The following KAT6A variants were observed in gnomAD, a reference collection of about 807,000 sequenced individuals.
The protein encoded by KAT6A is lysine acetyltransferase 6A.
Under a neutral mutation model 198.4 loss-of-function variants are expected in KAT6A, and 9 were observed. The ratio of observed to expected loss-of-function variants is 0.05; its 90% CI spans 0.03 to 0.08. The LOEUF (loss-of-function observed/expected upper bound fraction) is 0.08. KAT6A is among the 10% of genes least tolerant of loss of function. The pLI, the probability that KAT6A is intolerant of heterozygous loss-of-function variation, is 1.00. For synonymous variants in KAT6A, 890 were observed against 883.0 expected (o/e 1.01, Z -0.14); for missense variants, 2,077 against 2,509.9 (o/e 0.83, Z 3.69).
In KAT6A at chr8:41,932,921, G is replaced by A; in HGVS notation, c.5299C>T (p.His1767Tyr). 1.2e-6 allele frequency: 2 copies of A among 1,614,174 alleles called. No homozygotes were observed. Among genetic ancestry groups the A allele is most frequent in the East Asian group, 2.2e-5 (1 of 44,878 alleles). Reference sequence around the variant, plus strand: ...GGAGAATGGCTATAAGGCATGGCATGAGGGTCCATAATGGTGTTGGTCAGC... The same window carrying A: ...GGAGAATGGCTATAAGGCATGGCATAAGGGTCCATAATGGTGTTGGTCAGC... Reference protein sequence around the residue: ...QQLTNTIMDPHAMPYSHSPAV... With the variant: ...QQLTNTIMDPYAMPYSHSPAV... The change falls in exon 17 of 17, where the codon CAT (histidine) becomes TAT (tyrosine). Residue 1767 changes from histidine to tyrosine, a missense_variant. This residue lies in a region of KAT6A where 500 missense variants were observed against 577.2 expected (regional missense o/e 0.87). Transcript: ENST00000265713.
At chr8:42,050,274 CAAAGTCAGTATCCCTATA>C (rs983210280) in intron 1 of KAT6A, among the ~76,000 whole-genome samples, 1 of 152,186 alleles carries the variant, frequency 6.6e-6, no homozygotes, top group Non-Finnish European at 1.5e-5. Flanking sequence ...CTCTCTGAAT[CAAAGTCAGTATCCCTATA>C]AAAGAATCTG....
intron 2 of KAT6A, among the ~76,000 whole-genome samples, chr8:41,990,298 T>C (rs1251820246): frequency 6.6e-6 from 1 of 151,948 alleles, no homozygotes; most frequent in African/African-American, 2.4e-5. Flanking sequence ...AGCAAAGAAA[T>C]GGAGAAAAGA....
At chr8:41,984,974 C>G (rs183233903) in intron 3 of KAT6A, among the ~76,000 whole-genome samples, 121 of 144,522 alleles carry the variant, frequency 8.4e-4, no homozygotes, top group South Asian at 4.4e-3. Context: ...CAGAGTGAGA[C>G]TGTCTCAAAA....
In KAT6A at chr8:41,987,326, A is replaced by G; in HGVS notation, c.709+129T>C. 3 of 635,040 alleles carry G rather than the reference A, an allele frequency of 4.7e-6. No homozygotes were observed. In the South Asian group the frequency reaches 5.6e-5, roughly 12 times the overall value. The allele number at this position is 635,040 out of a possible 1,614,324, so 39.3% of individuals were successfully genotyped here. On this transcript the variant is annotated intron_variant, in intron 3 of 16. Transcript: ENST00000265713. ...TCTAAAGACATGTTTCTCAGAACTT[A>G]TCCCCCATAATTAAAAGATGTATGA...
intron 2 of KAT6A, among the ~76,000 whole-genome samples, chr8:42,024,082 G>C (rs915349912): frequency 3.3e-5 from 5 of 152,050 alleles, no homozygotes; most frequent in African/African-American, 1.2e-4. Flanking sequence ...TAATAAGAAG[G>C]AGTACACTCT....
intron 12 of KAT6A, among the ~76,000 whole-genome samples, chr8:41,945,766 C>T (rs897387301): frequency 2.6e-5 from 4 of 152,042 alleles, no homozygotes; most frequent in South Asian, 2.1e-4. Context: ...TGGTGGCTCA[C>T]GCCTGTAATC....
intron 2 of KAT6A, among the ~76,000 whole-genome samples, chr8:42,037,712 C>A (rs1411266209): frequency 2.9e-5 from 4 of 138,996 alleles, no homozygotes; most frequent in Admixed American, 7.2e-5. Context: ...TTTTTGGCTG[C>A]CAGATTTTAT....
chr8:42,022,834 T>C (rs1286026618), intron 2 of KAT6A, among the ~76,000 whole-genome samples: 1 of 152,208 alleles, frequency 6.6e-6, no homozygotes, highest in Non-Finnish European at 1.5e-5. Context: ...GTATAAATTA[T>C]GATACACTCA....
rs1348540840 is a variant in KAT6A, at chr8:41,937,587, AAGTATTTAC to A, written c.3040-28_3040-20del. On this transcript the variant is annotated intron_variant, in intron 15 of 16. Transcript: ENST00000265713. ...ATGGTTTCTGTTTAATAGAGAAAGC[AAGTATTTAC>A]AGTTATGAACACTATCTTTTCTATT... is the stretch of plus-strand genomic sequence containing the variant. The A allele has an allele frequency of 1.9e-6, 3 of 1,579,936 alleles. No homozygotes were observed. The African/African-American group carries it at 4.1e-5, about 22-fold the overall frequency.
At chr8:41,998,508 A>G (rs748797272) in intron 2 of KAT6A, among the ~76,000 whole-genome samples, 6 of 152,106 alleles carry the variant, frequency 3.9e-5, no homozygotes, top group Non-Finnish European at 8.8e-5. Flanking sequence ...ATCCTTTCTG[A>G]CAGTTTTGAA....
chr8:42,013,107 A>G (rs767289286), intron 2 of KAT6A, among the ~76,000 whole-genome samples: 27 of 150,926 alleles, frequency 1.8e-4, no homozygotes, highest in Non-Finnish European at 2.8e-4. Context: ...GATCTTTCCT[A>G]TATCTTGATT....
At chr8:42,028,111 A>G (rs1826926194) in intron 2 of KAT6A, among the ~76,000 whole-genome samples, 1 of 152,166 alleles carries the variant, frequency 6.6e-6, no homozygotes, top group South Asian at 2.1e-4. Context: ...GTCTAAGAAA[A>G]TACATGATAT....
intron 9 of KAT6A, among the ~76,000 whole-genome samples, chr8:41,952,847 G>A (rs546960186): frequency 5.9e-5 from 9 of 151,980 alleles, no homozygotes; most frequent in African/African-American, 1.9e-4. Flanking sequence ...ATGTAACCAA[G>A]AGAACTACGA....
intron 8 of KAT6A, among the ~76,000 whole-genome samples, chr8:41,970,964 T>C (rs1338673468): frequency 6.6e-6 from 1 of 152,056 alleles, no homozygotes; most frequent in Non-Finnish European, 1.5e-5. Context: ...CAGCAAATTA[T>C]TGTAAGGACA....
intron 2 of KAT6A, among the ~76,000 whole-genome samples, chr8:42,027,167 T>C (rs1219855813): frequency 2.6e-5 from 4 of 152,206 alleles, no homozygotes; most frequent in African/African-American, 9.6e-5. Flanking sequence ...GCTGGATTGT[T>C]TGGATTGTCT....
chr8:41,945,555 C>G (rs1027183703), intron 12 of KAT6A, among the ~76,000 whole-genome samples: 2 of 152,028 alleles, frequency 1.3e-5, no homozygotes, highest in Non-Finnish European at 2.9e-5. Flanking sequence ...CAGGAGTGAG[C>G]CACCACACCC....
In KAT6A at chr8:41,964,546, C is replaced by T. The variant is rs1357870051; in HGVS notation, c.1483-9135G>A. ...GTTTTGAGCACTAATGATACTCAAACGAAATGCTCGTAAGAACACTGCAGA... is the reference window on the plus strand; with the variant it reads ...GTTTTGAGCACTAATGATACTCAAATGAAATGCTCGTAAGAACACTGCAGA... On this transcript the variant is annotated intron_variant, in intron 8 of 16. Transcript: ENST00000265713. 4.1e-5 allele frequency among the ~76,000 whole-genome samples: 6 copies of T among 147,680 alleles called. No individual in the cohort carries two copies. In the South Asian group the frequency reaches 8.5e-4, roughly 21 times the overall value.
At chr8:41,968,941 T>G (rs1823643611) in intron 8 of KAT6A, among the ~76,000 whole-genome samples, 1 of 152,166 alleles carries the variant, frequency 6.6e-6, no homozygotes, top group Non-Finnish European at 1.5e-5. Context: ...AGTGGCTGAC[T>G]CCTTTTGAAA....
rs149459548 is a variant in KAT6A, at chr8:41,977,029, T to C, written c.1342A>G (p.Ser448Gly). 194 of 1,609,300 alleles carry C rather than the reference T, an allele frequency of 1.2e-4. 1 individual carries two copies. The Middle Eastern group carries it at 2.1e-3, about 18-fold the overall frequency. ...RIRKRGNRKS[S>G]TSDWPTDNQD... ...TTACCTGTGGGCCAATCTGAAGTGC[T>C]TGATTTCCTGTTGCCCCTCTTTCTG... is the stretch of plus-strand genomic sequence containing the variant. Residue 448 changes from serine to glycine, a missense_variant, in exon 7 of 17, where the codon AGC becomes GGC. Physicochemically the swap from Ser to Gly is moderately conservative, Grantham distance 56. This residue lies in a region of KAT6A where 206 missense variants were observed against 214.9 expected (regional missense o/e 0.96). Transcript: ENST00000265713.
Sources: allele counts gnomAD v4.1 joint callset (sites outside exome capture counted in the v4.1 genomes callset), GRCh38; gene constraint gnomAD v4.1.1; regional missense constraint gnomAD v4.1.1; transcripts MANE v1.5; gene names NCBI Gene and HGNC (gene_info 2026-07-23, HGNC 2026-07-21).